The following NFE2L3 variants were observed in gnomAD, a reference collection of about 807,000 sequenced individuals.
NFE2L3 encodes nuclear factor erythroid 2-related factor 3.
Under a neutral mutation model 23.5 loss-of-function variants are expected in NFE2L3, and 18 were observed. The ratio of observed to expected loss-of-function variants is 0.77; its 90% CI spans 0.53 to 1.13. The LOEUF is 1.13. Among genes scored for constraint, NFE2L3 ranks in the 50% most tolerant of loss-of-function variants. NFE2L3 has a pLI of 0.00. For missense variants in NFE2L3, 1,152 were observed against 877.2 expected (o/e 1.31, Z -3.96); for synonymous variants, 424 against 354.5 (o/e 1.20, Z -2.20).
At chr7:26,166,178 C>T (rs1784249071) in intron 1 of NFE2L3, among the ~76,000 whole-genome samples, 1 of 152,036 alleles carries the variant, frequency 6.6e-6, no homozygotes, top group Non-Finnish European at 1.5e-5. Flanking sequence ...ATGGAAGAGA[C>T]TTAAATGAAT....
At position 26,152,276 on chromosome 7, in the gene NFE2L3, C is replaced by G. The variant is rs1784007795; in HGVS notation, c.-223C>G. ...TCAGGTGGCTCCTTCTTCGCTTCTCCCGATCCCCGGCGGTGCCAGGCACGG... is the reference window on the plus strand; with the variant it reads ...TCAGGTGGCTCCTTCTTCGCTTCTCGCGATCCCCGGCGGTGCCAGGCACGG... On this transcript the variant is annotated 5_prime_UTR_variant, in exon 1 of 4. Transcript: ENST00000056233. This position sits in a 1 kb window ranked among gnomAD's most constrained non-coding sequence, Gnocchi z 4.4. 2 of 247,168 alleles carry G rather than the reference C, an allele frequency of 8.1e-6. No homozygotes were observed. The highest frequency in any genetic ancestry group is 1.5e-5 in the Non-Finnish European group (2 of 132,614). The allele number at this position is 247,168 out of a possible 1,614,324, so 15.3% of individuals were successfully genotyped here. A position where few individuals can be genotyped will look rare whatever the true frequency, so the allele number is the denominator to read the frequency against.
Position 26,185,844 on chromosome 7 carries a change from G to C in NFE2L3, c.*61G>C, listed in dbSNP as rs1255549431. 3 of 1,345,612 alleles carry C rather than the reference G, an allele frequency of 2.2e-6. No homozygotes were observed. The highest frequency in any genetic ancestry group is 1.5e-5 in the South Asian group (1 of 67,140). The allele number at this position is 1,345,612 out of a possible 1,614,324, so 83.4% of individuals were successfully genotyped here. On this transcript the variant is annotated 3_prime_UTR_variant, in exon 4 of 4. Transcript: ENST00000056233. ...GTAATGTTCAGAAACTGATTATTTG[G>C]ATCAGAAACCATTGAAACTGCTTCA...
intron 1 of NFE2L3, among the ~76,000 whole-genome samples, chr7:26,166,123 C>T (rs964173760): frequency 4.5e-5 from 5 of 110,984 alleles, no homozygotes; most frequent in Non-Finnish European, 7.0e-5. Context: ...CAGTGTGAAG[C>T]GAGCGGGTGG....
At chr7:26,181,141 A>G (rs1461338872) in intron 2 of NFE2L3, among the ~76,000 whole-genome samples, 1 of 151,846 alleles carries the variant, frequency 6.6e-6, no homozygotes, top group Admixed American at 6.6e-5. Flanking sequence ...ATGCCCAGCT[A>G]ATTTTTTGTA....
chr7:26,184,589 T>G lies in NFE2L3; in HGVS notation c.891T>G (p.Ser297=). 2.5e-6 allele frequency: 4 copies of G among 1,613,896 alleles called. No individual in the cohort carries two copies. The highest frequency in any genetic ancestry group is 3.4e-6 in the Non-Finnish European group (4 of 1,179,784). Residue 297 remains serine (S), a synonymous_variant, in exon 4 of 4, where the codon TCT becomes TCG. Coordinates refer to ENST00000056233, the MANE Select transcript of NFE2L3 (RefSeq NM_004289.7). ...LPGSISDGMN[S]SAHYHVNFSQ... is the part of the protein sequence containing the mutation. Reference sequence around the variant, plus strand: ...GCAGTATCAGTGATGGCATGAATTCTTCAGCACATTATCATGTAAACTTCA... The same window carrying G: ...GCAGTATCAGTGATGGCATGAATTCGTCAGCACATTATCATGTAAACTTCA...
chr7:26,180,063 C>G (rs1784478896), intron 2 of NFE2L3, among the ~76,000 whole-genome samples: 1 of 152,160 alleles, frequency 6.6e-6, no homozygotes, highest in Non-Finnish European at 1.5e-5. Context: ...TGCTGGCCGC[C>G]TAGCACCTGG....
In NFE2L3 at chr7:26,185,662, G is replaced by C; in HGVS notation, c.1964G>C (p.Arg655Thr). 6.2e-7 allele frequency: 1 copy of C among 1,613,908 alleles called. No homozygotes were observed. The highest frequency in any genetic ancestry group is 8.5e-7 in the Non-Finnish European group (1 of 1,179,842). ...IFSRLRDDQGRPVNPNHYALQ... is the reference protein window; with the variant it reads ...IFSRLRDDQGTPVNPNHYALQ... ...AGTAGATTAAGAGATGACCAAGGTA[G>C]GCCAGTCAATCCCAACCACTATGCT... Residue 655 changes from arginine (R) to threonine (T), a missense_variant, in exon 4 of 4, where the codon AGG becomes ACG. Coordinates refer to ENST00000056233, the MANE Select transcript of NFE2L3 (RefSeq NM_004289.7).
intron 1 of NFE2L3, among the ~76,000 whole-genome samples, chr7:26,159,291 C>T (rs1583926334): frequency 6.6e-6 from 1 of 152,316 alleles, no homozygotes; most frequent in Non-Finnish European, 1.5e-5. Flanking sequence ...GCCCGGAATG[C>T]CTTCCTTTCA....
chr7:26,154,063 G>A (rs778841773), intron 1 of NFE2L3, among the ~76,000 whole-genome samples: 1 of 152,222 alleles, frequency 6.6e-6, no homozygotes, highest in Non-Finnish European at 1.5e-5. Flanking sequence ...TTGCTCTTCA[G>A]AATTGCCGTT....
chr7:26,176,097 C>A (rs1019830913), intron 1 of NFE2L3, among the ~76,000 whole-genome samples: 1 of 151,832 alleles, frequency 6.6e-6, no homozygotes, highest in African/African-American at 2.4e-5. Flanking sequence ...ATCTGTTTAA[C>A]AAAGCACATC....
At chr7:26,157,815 CTGGAGG>C (rs1035355615) in intron 1 of NFE2L3, among the ~76,000 whole-genome samples, 8 of 152,302 alleles carry the variant, frequency 5.3e-5, no homozygotes, top group Middle Eastern at 3.4e-3. Context: ...TCTAACAGTT[CTGGAGG>C]CAAGAAGTCC....
At chr7:26,180,674 C>T (rs1277246793) in intron 2 of NFE2L3, among the ~76,000 whole-genome samples, 1 of 152,196 alleles carries the variant, frequency 6.6e-6, no homozygotes, top group African/African-American at 2.4e-5. Context: ...TACTCCCTCA[C>T]TGGGCTTCCC....
intron 2 of NFE2L3, among the ~76,000 whole-genome samples, chr7:26,182,597 C>T (rs1380071455): frequency 6.9e-6 from 1 of 145,490 alleles, no homozygotes; most frequent in African/African-American, 2.8e-5. Context: ...CAGTGCTCTC[C>T]AGCCTGGGCG....
At chr7:26,182,469 T>C (rs939894854) in intron 2 of NFE2L3, among the ~76,000 whole-genome samples, 4 of 144,908 alleles carry the variant, frequency 2.8e-5, no homozygotes, top group African/African-American at 1.2e-4. Flanking sequence ...ACTAAAAATA[T>C]AAAAATTGGC....
chr7:26,154,521 G>A (rs1458867875), intron 1 of NFE2L3, among the ~76,000 whole-genome samples: 1 of 152,154 alleles, frequency 6.6e-6, no homozygotes, highest in Non-Finnish European at 1.5e-5. Flanking sequence ...CATCACCTGG[G>A]AGACAAAGTG....
intron 2 of NFE2L3, among the ~76,000 whole-genome samples, chr7:26,181,982 C>CT (rs944785672): frequency 6.6e-6 from 1 of 151,806 alleles, no homozygotes; most frequent in African/African-American, 2.4e-5. Flanking sequence ...AGAGAAAAAT[C>CT]TAAGTTACTT....
At chr7:26,181,975 GAA>G (rs1298507310) in intron 2 of NFE2L3, among the ~76,000 whole-genome samples, 1 of 151,796 alleles carries the variant, frequency 6.6e-6, no homozygotes, top group Admixed American at 6.6e-5. Context: ...TGATAGAAGA[GAA>G]AAATCTAAGT....
At chr7:26,179,870 C>T (rs921127524) in intron 2 of NFE2L3, among the ~76,000 whole-genome samples, 2 of 152,094 alleles carry the variant, frequency 1.3e-5, no homozygotes, top group Non-Finnish European at 1.5e-5. Flanking sequence ...TATTATACAA[C>T]TCTTTGTCAC....
At chr7:26,168,956 T>C (rs1467894416) in intron 1 of NFE2L3, among the ~76,000 whole-genome samples, 1 of 152,208 alleles carries the variant, frequency 6.6e-6, no homozygotes, top group Admixed American at 6.5e-5. Context: ...TGGCCCAATG[T>C]TACCCAGCTA....
Sources: allele counts gnomAD v4.1 joint callset (sites outside exome capture counted in the v4.1 genomes callset), GRCh38; gene constraint gnomAD v4.1.1; non-coding constraint Gnocchi (gnomAD v3.1); transcripts MANE v1.5; gene names NCBI Gene and HGNC (gene_info 2026-07-23, HGNC 2026-07-21).